Variants in ZMYND11 observed in about 807,000 individuals in gnomAD.
The protein encoded by ZMYND11 is zinc finger MYND domain-containing protein 11.
Under a neutral mutation model 84.9 loss-of-function variants are expected in ZMYND11, and 9 were observed. The observed-to-expected ratio is 0.11, with a 90% CI of 0.06 to 0.18. The LOEUF is 0.18. Among genes scored for constraint, ZMYND11 ranks in the 10% least tolerant of loss-of-function variants. The pLI is 1.00. For synonymous variants in ZMYND11, 250 were observed against 244.1 expected (o/e 1.02, Z -0.23); for missense variants, 409 against 761.0 (o/e 0.54, Z 5.44).
At chr10:217,618 C>T (rs1589031729) in intron 3 of ZMYND11, among the ~76,000 whole-genome samples, 1 of 152,030 alleles carries the variant, frequency 6.6e-6, no homozygotes, top group African/African-American at 2.4e-5. Flanking sequence ...CATGTTCTAT[C>T]ATTTTGTGAC....
At chr10:153,716 TAG>T (rs782759602) in intron 1 of ZMYND11, among the ~76,000 whole-genome samples, 25 of 152,320 alleles carry the variant, frequency 1.6e-4, no homozygotes, top group Non-Finnish European at 3.1e-4. Context: ...CTAGGGGAAA[TAG>T]AGTTTGGTCC....
At chr10:199,174 C>T (rs751821354) in intron 2 of ZMYND11, among the ~76,000 whole-genome samples, 2 of 151,988 alleles carry the variant, frequency 1.3e-5, no homozygotes, top group Admixed American at 1.3e-4. Flanking sequence ...TTCTAGTTTT[C>T]AATGGAAGGA....
chr10:159,523 G>C (rs1180006650), intron 1 of ZMYND11, among the ~76,000 whole-genome samples: 1 of 151,970 alleles, frequency 6.6e-6, no homozygotes, highest in African/African-American at 2.4e-5. Flanking sequence ...TAAATTTATA[G>C]GCCTTTTGCA....
chr10:143,664 G>C (rs1380547925), intron 1 of ZMYND11, among the ~76,000 whole-genome samples: 1 of 151,956 alleles, frequency 6.6e-6, no homozygotes, highest in African/African-American at 2.4e-5. Flanking sequence ...TTTTTCTACT[G>C]TACTTACAAT....
chr10:194,503 A>G (rs957169090), intron 2 of ZMYND11, among the ~76,000 whole-genome samples: 21 of 152,110 alleles, frequency 1.4e-4, no homozygotes, highest in African/African-American at 4.8e-4. Flanking sequence ...TGGCAAAACT[A>G]TTATCCAAAG....
At chr10:234,429 T>A (rs1196891391) in intron 4 of ZMYND11, among the ~76,000 whole-genome samples, 1 of 152,214 alleles carries the variant, frequency 6.6e-6, no homozygotes, top group Non-Finnish European at 1.5e-5. Flanking sequence ...CTGTGCATGA[T>A]ATTTAGTGAA....
At chr10:241,949 TTTAATA>T (rs989878516) in intron 9 of ZMYND11, 66 bp from the exon 10 acceptor site, 5 of 1,538,384 alleles carry the variant, frequency 3.3e-6, no homozygotes, top group African/African-American at 2.8e-5. Flanking sequence ...ATGTGACTAG[TTTAATA>T]TTAATGGTAC....
At chr10:183,017 A>C (rs2130764376) in intron 2 of ZMYND11, among the ~76,000 whole-genome samples, 1 of 152,330 alleles carries the variant, frequency 6.6e-6, no homozygotes, top group East Asian at 1.9e-4. Flanking sequence ...GTTAGTCATT[A>C]AGTTTCATTT....
intron 2 of ZMYND11, among the ~76,000 whole-genome samples, chr10:201,640 G>C (rs996905966): frequency 2.5e-5 from 3 of 121,340 alleles, no homozygotes; most frequent in Non-Finnish European, 5.3e-5. Context: ...GGAACTTTCA[G>C]AATGATCTCG....
intron 12 of ZMYND11, 137 bp from the exon 13 acceptor site, chr10:248,199 C>A (rs1952572969): frequency 7.1e-6 from 8 of 1,129,808 alleles, no homozygotes; most frequent in Non-Finnish European, 7.5e-6. Flanking sequence ...CATCTACCAC[C>A]CTAACTACAT....
At chr10:206,285 A>G (rs950471615) in intron 2 of ZMYND11, among the ~76,000 whole-genome samples, 4 of 152,138 alleles carry the variant, frequency 2.6e-5, no homozygotes, top group African/African-American at 9.7e-5. Context: ...ACTTGAACCC[A>G]GGAGGCAGAG....
At chr10:238,138 C>G (rs912331431) in intron 6 of ZMYND11, among the ~76,000 whole-genome samples, 4 of 152,178 alleles carry the variant, frequency 2.6e-5, no homozygotes, top group Non-Finnish European at 5.9e-5. Context: ...TCTTAAAGGT[C>G]TTAATTTTAC....
chr10:245,692 C>T (rs1017242118), intron 10 of ZMYND11, among the ~76,000 whole-genome samples: 2 of 152,110 alleles, frequency 1.3e-5, no homozygotes, highest in Non-Finnish European at 2.9e-5. Context: ...AGACCAAGGC[C>T]GAATAAAATG....
chr10:154,390 G>A lies in ZMYND11; in HGVS notation c.-20+18831G>A, dbSNP rs532046021. Among the ~76,000 whole-genome samples the A allele has an allele frequency of 2.6e-5, 4 of 152,192 alleles. No individual in the cohort carries two copies. The East Asian group carries it at 7.7e-4, about 29-fold the overall frequency. On this transcript the variant is annotated intron_variant, in intron 1 of 14. Coordinates refer to ENST00000381604, the MANE Select transcript of ZMYND11 (RefSeq NM_001370100.5). ...TTACACTTGGGGGCCACCATAAACG[G>A]CAAAATCACAACAAAAAGCAGAAAA... is the stretch of plus-strand genomic sequence containing the variant.
chr10:248,318 T>C lies in ZMYND11; in HGVS notation c.1228-18T>C. On this transcript the variant is annotated intron_variant, in intron 12 of 14. Coordinates refer to ENST00000381604, the MANE Select transcript of ZMYND11 (RefSeq NM_001370100.5). ...ATGTGGCTTCGTTTGGCGTCTAAAC[T>C]CTTGTCTCACCTTTTAGGAACCAGA... The C allele has an allele frequency of 6.2e-7, 1 of 1,609,070 alleles. No individual in the cohort carries two copies.
chr10:240,705 C>A (rs1407633913), intron 8 of ZMYND11, among the ~76,000 whole-genome samples, 188 bp from the exon 9 acceptor site: 3 of 152,126 alleles, frequency 2.0e-5, no homozygotes, highest in African/African-American at 7.2e-5. Flanking sequence ...CGACATGGTT[C>A]TAAGAGGACA....
chr10:176,269 A>G (rs1291684624), intron 1 of ZMYND11, among the ~76,000 whole-genome samples: 1 of 151,824 alleles, frequency 6.6e-6, no homozygotes, highest in Non-Finnish European at 1.5e-5. Context: ...AGTTTTTGCT[A>G]CTTTTTATTT....
At chr10:160,543 T>C (rs1842723399) in intron 1 of ZMYND11, among the ~76,000 whole-genome samples, 1 of 152,150 alleles carries the variant, frequency 6.6e-6, no homozygotes, top group South Asian at 2.1e-4. Context: ...TCTCTGTCAT[T>C]TGTCATGCTG....
upstream of ZMYND11, among the ~76,000 whole-genome samples, chr10:130,665 G>A (rs1835293606): frequency 6.6e-6 from 1 of 152,150 alleles, no homozygotes; most frequent in Non-Finnish European, 1.5e-5. Flanking sequence ...AGAGAATGGT[G>A]GAGTTAGGAC....
Sources: gnomAD v4.1 joint callset for allele counts (sites outside exome capture counted in the v4.1 genomes callset) on GRCh38, gnomAD v4.1.1 for gene constraint, MANE v1.5 for transcripts, NCBI Gene and HGNC (gene_info 2026-07-23, HGNC 2026-07-21) for gene names.